Variants in CHRNB4 observed in about 807,000 individuals in gnomAD.
CHRNB4 encodes the protein cholinergic receptor nicotinic beta 4 subunit.
In CHRNB4, 23 loss-of-function variants were observed where a neutral mutation model predicts 40.4. The ratio of observed to expected loss-of-function variants is 0.57; its 90% CI spans 0.41 to 0.81. The LOEUF (loss-of-function observed/expected upper bound fraction) is 0.81. CHRNB4 is among the 30% of genes least tolerant of loss of function. The pLI is 0.00. For missense variants in CHRNB4, 568 were observed against 670.6 expected, an observed-to-expected ratio of 0.85 and a Z score of 1.69; for synonymous variants, 285 against 274.4, an observed-to-expected ratio of 1.04 and a Z score of -0.38.
At chr15:78,654,521 C>G (rs1021070) in intron 5 of CHRNB4, among the ~76,000 whole-genome samples, 50,316 of 152,018 alleles carry the variant, frequency 0.33, 8,378 homozygotes, top group Non-Finnish European at 0.37. Flanking sequence ...CTGTGTAACC[C>G]TGGGCAAACT....
upstream of CHRNB4, among the ~76,000 whole-genome samples, chr15:78,641,510 T>C (rs570872551): frequency 6.6e-6 from 1 of 152,196 alleles, no homozygotes; most frequent in Non-Finnish European, 1.5e-5. Context: ...GGAAAGAGCA[T>C]GTGCTTGAGC....
chr15:78,630,567 C>T (rs2053783154), intron 4 of CHRNB4, among the ~76,000 whole-genome samples: 1 of 152,228 alleles, frequency 6.6e-6, no homozygotes, highest in African/African-American at 2.4e-5. Flanking sequence ...TAAGTGACTT[C>T]TTCAAGGTCA....
chr15:78,641,243 C>A (rs1031599028), upstream of CHRNB4: 8 of 1,020,738 alleles, frequency 7.8e-6, no homozygotes, highest in South Asian at 2.0e-5. Context: ...GGTTTGCTGG[C>A]GGGGCGGCGC....
In CHRNB4 at chr15:78,625,211, G is replaced by A. The variant is rs2053624606; in HGVS notation, c.1419C>T (p.Gly473=). 2 of 1,599,948 alleles carry A rather than the reference G, an allele frequency of 1.3e-6. No homozygotes were observed. The highest frequency in any genetic ancestry group is 1.7e-6 in the Non-Finnish European group (2 of 1,173,566). Residue 473 remains glycine, a synonymous_variant, in exon 6 of 6, where the codon GGC becomes GGT. Transcript: ENST00000261751. ...GGGGCGGTAGGAAGAGCCCCACAGT[G>A]CCCAGGACGCACACAAACATGAACA... ...LWVFMFVCVL[G]TVGLFLPPLF...
Position 78,629,865 on chromosome 15 carries a change from G to T in CHRNB4, c.440C>A (p.Ala147Asp). ...AATCTTGCAGGCGCTCTTGTAGATG[G>T]CAGGGGGCAGCCACAGGACGCTGCC... ...SNGSVLWLPPAIYKSACKIEV... is the reference protein window; with the variant it reads ...SNGSVLWLPPDIYKSACKIEV... Residue 147 changes from alanine (A) to aspartate (D), a missense_variant, in exon 5 of 6, where the codon GCC becomes GAC. Ala to Asp is a moderately radical substitution (Grantham distance 126). Transcript: ENST00000261751. The surrounding 1 kb of genome is among the most constrained non-coding windows in gnomAD (Gnocchi z 6.8). The T allele has an allele frequency of 6.2e-7, 1 of 1,613,682 alleles. No homozygotes were observed.
At chr15:78,640,124 G>A (rs1242554129) in intron 1 of CHRNB4, among the ~76,000 whole-genome samples, 4 of 152,246 alleles carry the variant, frequency 2.6e-5, no homozygotes, top group African/African-American at 9.6e-5. Flanking sequence ...TTCCAGCTAT[G>A]GCTTCCTCTC....
At chr15:78,636,392 C>A (rs2053950849) in intron 1 of CHRNB4, among the ~76,000 whole-genome samples, 1 of 152,092 alleles carries the variant, frequency 6.6e-6, no homozygotes, top group East Asian at 1.9e-4. Context: ...AGGGCCCTTC[C>A]CTACCCACAA....
chr15:78,629,744 C>T lies in CHRNB4; in HGVS notation c.561G>A (p.Thr187=), dbSNP rs139151554. The T allele has an allele frequency of 4.3e-4, 688 of 1,613,858 alleles. No individual in the cohort carries two copies. The highest frequency in any genetic ancestry group is 7.8e-4 in the Admixed American group (47 of 59,990). Residue 187 remains threonine (T), a synonymous_variant, in exon 5 of 6, where the codon ACG becomes ACA. Transcript: ENST00000261751. The surrounding 1 kb of genome is among the most constrained non-coding windows in gnomAD (Gnocchi z 6.8). ...TAAAGTCATCCATGCTGGCTGTGGG[C>T]GTCATGAGGACCATGTCTATCTCCG... ...DHTEIDMVLM[T]PTASMDDFTP...
At chr15:78,661,029 T>C (rs2054248231), upstream of CHRNB4, 3 of 554,434 alleles carry the variant, frequency 5.4e-6, no homozygotes, top group South Asian at 2.9e-5. Context: ...AATAAGAGGG[T>C]AGGCGCCAGG....
chr15:78,647,524 A>G (rs1490144195), intron 7 of CHRNB4, among the ~76,000 whole-genome samples: 1 of 151,862 alleles, frequency 6.6e-6, no homozygotes, highest in Non-Finnish European at 1.5e-5. Flanking sequence ...ATTCCTATAC[A>G]TCAATAACAA....
chr15:78,649,498 A>G, intron 6 of CHRNB4: 2 of 432,400 alleles, frequency 4.6e-6, no homozygotes, highest in Non-Finnish European at 9.2e-6. Flanking sequence ...AAAATAAAAC[A>G]ATGCAAAGCA....
Position 78,625,143 on chromosome 15 carries a change from T to C in CHRNB4, c.1487A>G (p.Gln496Arg), listed in dbSNP as rs776773922. ...HAASEGPYAA[Q>R]RD The stretch of plus-strand genomic sequence containing the variant: ...CAACCCAGGGGGCCCTCAGTCACGC[T>C]GGGCAGCGTAGGGCCCCTCAGAAGC... Residue 496 changes from glutamine (Q) to arginine (R), a missense_variant, in exon 6 of 6, where the codon CAG becomes CGG. Gln to Arg is a conservative substitution (Grantham distance 43). This residue lies in a region of CHRNB4 where 242 missense variants were observed against 274.9 expected (regional missense o/e 0.88). Transcript: ENST00000261751. 4.3e-6 allele frequency: 7 copies of C among 1,614,002 alleles called. No individual in the cohort carries two copies. Among genetic ancestry groups the C allele is most frequent in the Admixed American group, 1.7e-5 (1 of 60,006 alleles).
chr15:78,628,777 G>A (rs1377654455), intron 5 of CHRNB4, among the ~76,000 whole-genome samples, 190 bp downstream of exon 5: 1 of 152,072 alleles, frequency 6.6e-6, no homozygotes, highest in Non-Finnish European at 1.5e-5. Flanking sequence ...CTAAATCACT[G>A]GCACGTCCTT....
upstream of CHRNB4, among the ~76,000 whole-genome samples, chr15:78,644,076 T>C (rs2054104540): frequency 6.7e-6 from 1 of 149,774 alleles, no homozygotes; most frequent in African/African-American, 2.5e-5. Flanking sequence ...GGCAGGAGAA[T>C]GGTGTGAACC....
chr15:78,642,942 T>C (rs74445404), upstream of CHRNB4, among the ~76,000 whole-genome samples: 159 of 152,324 alleles, frequency 1.0e-3, 2 homozygotes, highest in East Asian at 0.024. Context: ...ATCTTCTCTG[T>C]GACCTTAGGC....
intron 5 of CHRNB4, chr15:78,627,413 C>T (rs1373691923): frequency 1.3e-5 from 2 of 152,186 alleles, no homozygotes; most frequent in South Asian, 2.1e-4. Flanking sequence ...AGAAGAATAT[C>T]TCATGTCCTA....
intron 4 of CHRNB4, 103 bp from the exon 5 acceptor site, chr15:78,630,048 T>A: frequency 7.6e-7 from 1 of 1,308,922 alleles, no homozygotes; most frequent in South Asian, 1.7e-5. Flanking sequence ...TTCCCACTAA[T>A]CACCCTTCCA....
At chr15:78,655,320 C>G (rs1180099195) in intron 5 of CHRNB4, among the ~76,000 whole-genome samples, 8 of 151,574 alleles carry the variant, frequency 5.3e-5, no homozygotes, top group African/African-American at 1.9e-4. Flanking sequence ...GATCCTCCCC[C>G]ACCTCCCAGC....
At chr15:78,643,141 T>C (rs1199176149), upstream of CHRNB4, among the ~76,000 whole-genome samples, 1 of 152,004 alleles carries the variant, frequency 6.6e-6, no homozygotes, top group Non-Finnish European at 1.5e-5. Context: ...TTTTAAATAA[T>C]ACCAAGTTGA....
Sources: gnomAD v4.1 joint callset for allele counts (sites outside exome capture counted in the v4.1 genomes callset) on GRCh38, gnomAD v4.1.1 for gene constraint, gnomAD v4.1.1 regional missense constraint, Gnocchi (gnomAD v3.1) non-coding constraint, MANE v1.5 for transcripts, NCBI Gene and HGNC (gene_info 2026-07-23, HGNC 2026-07-21) for gene names.